The following HDAC9 variants were observed in gnomAD, a reference collection of about 807,000 sequenced individuals.
HDAC9 encodes the protein MEF-2 interacting transcription repressor (MITR) protein.
A neutral mutation model predicts 139.4 loss-of-function variants in HDAC9; 41 were observed. That is an observed-to-expected ratio of 0.29 (90% CI 0.23 to 0.38). The LOEUF (loss-of-function observed/expected upper bound fraction) is 0.38. HDAC9 is among the 10% of genes least tolerant of loss of function. The pLI, the probability that HDAC9 is intolerant of heterozygous loss-of-function variation, is 1.00. For synonymous variants in HDAC9, 517 were observed against 476.2 expected (o/e 1.09, Z -1.12); for missense variants, 1,147 against 1,297.0 (o/e 0.88, Z 1.78).
chr7:18,246,999 G>T (rs302148), intron 2 of HDAC9, among the ~76,000 whole-genome samples: 7 of 151,816 alleles, frequency 4.6e-5, no homozygotes, highest in African/African-American at 9.7e-5. Flanking sequence ...TTGTTCTAAC[G>T]TGAGCAACTG....
At chr7:18,185,089 G>T (rs1474509698) in intron 2 of HDAC9, among the ~76,000 whole-genome samples, 1 of 152,170 alleles carries the variant, frequency 6.6e-6, no homozygotes, top group Non-Finnish European at 1.5e-5. Context: ...AAACTAATTT[G>T]CAATAAAGCC....
chr7:18,687,938 C>T (rs148020209), intron 12 of HDAC9, among the ~76,000 whole-genome samples: 1 of 151,672 alleles, frequency 6.6e-6, no homozygotes, highest in African/African-American at 2.4e-5. Context: ...TAACTTTTTA[C>T]TTTATAGAAT....
At chr7:18,270,515 C>A (rs939857572) in intron 2 of HDAC9, among the ~76,000 whole-genome samples, 4 of 152,062 alleles carry the variant, frequency 2.6e-5, no homozygotes, top group South Asian at 2.1e-4. Context: ...TGGTACATTT[C>A]TTTTGTGGGA....
At chr7:18,780,734 T>C (rs564971340) in intron 16 of HDAC9, among the ~76,000 whole-genome samples, 2 of 152,152 alleles carry the variant, frequency 1.3e-5, no homozygotes, top group Admixed American at 1.3e-4. Context: ...GATTCTTTGG[T>C]TCTCATCCTT....
intron 17 of HDAC9, among the ~76,000 whole-genome samples, chr7:18,804,262 A>G (rs898605525): frequency 8.5e-5 from 13 of 152,190 alleles, no homozygotes; most frequent in Non-Finnish European, 1.6e-4. Context: ...GGTGGGGCAA[A>G]TAAGCAGGTC....
intron 2 of HDAC9, among the ~76,000 whole-genome samples, chr7:18,564,963 A>G (rs769658246): frequency 2.1e-3 from 4 of 1,874 alleles, no homozygotes; most frequent in Non-Finnish European, 3.4e-3. Flanking sequence ...AATGTATTTT[A>G]TTTATTTATT....
chr7:18,184,994 A>G (rs369091716), intron 2 of HDAC9, among the ~76,000 whole-genome samples: 2 of 152,218 alleles, frequency 1.3e-5, no homozygotes, highest in African/African-American at 4.8e-5. Context: ...TGGTCTGCCT[A>G]TGTAATTCTT....
intron 17 of HDAC9, among the ~76,000 whole-genome samples, chr7:18,802,964 C>A (rs1309656510): frequency 6.6e-6 from 1 of 151,788 alleles, no homozygotes; most frequent in Non-Finnish European, 1.5e-5. Flanking sequence ...GAGTTCAATT[C>A]ACTTATATGT....
At chr7:18,120,473 G>A (rs1784301105) in intron 1 of HDAC9, among the ~76,000 whole-genome samples, 1 of 152,158 alleles carries the variant, frequency 6.6e-6, no homozygotes. Flanking sequence ...AGCCAATTGA[G>A]GGATGGTCCC....
At chr7:18,780,967 C>G (rs975663579) in intron 16 of HDAC9, among the ~76,000 whole-genome samples, 1 of 151,906 alleles carries the variant, frequency 6.6e-6, no homozygotes, top group African/African-American at 2.4e-5. Context: ...GCTTAAGCAA[C>G]AGGAATTAAT....
chr7:18,973,226 T>A (rs535518882), intron 24 of HDAC9, among the ~76,000 whole-genome samples: 1 of 152,292 alleles, frequency 6.6e-6, no homozygotes, highest in South Asian at 2.1e-4. Flanking sequence ...TCAATAATGC[T>A]AGTTTGTCTT....
chr7:18,175,715 A>G (rs1263186051), intron 2 of HDAC9, among the ~76,000 whole-genome samples: 5 of 149,118 alleles, frequency 3.4e-5, no homozygotes, highest in East Asian at 4.0e-4. Flanking sequence ...AAAATATTGT[A>G]TTGATTTATA....
chr7:18,961,810 CT>C (rs2129329059), intron 24 of HDAC9, among the ~76,000 whole-genome samples: 1 of 152,272 alleles, frequency 6.6e-6, no homozygotes, highest in African/African-American at 2.4e-5. Context: ...GGTTACACAG[CT>C]AATGAGTGGG....
At chr7:18,988,572 A>G (rs529175137) in intron 25 of HDAC9, among the ~76,000 whole-genome samples, 25 of 152,134 alleles carry the variant, frequency 1.6e-4, no homozygotes, top group South Asian at 1.5e-3. Context: ...GTAGATGTCT[A>G]TCAGGTCCGC....
chr7:18,636,668 C>A (rs939787886), intron 8 of HDAC9, among the ~76,000 whole-genome samples: 1 of 152,006 alleles, frequency 6.6e-6, no homozygotes. Context: ...TATCCTGTTA[C>A]CCCTCTTTAT....
chr7:18,945,112 T>A (rs1158481620), intron 23 of HDAC9, among the ~76,000 whole-genome samples: 1 of 152,192 alleles, frequency 6.6e-6, no homozygotes, highest in Non-Finnish European at 1.5e-5. Flanking sequence ...TTAAATGTGT[T>A]TTCCATAGTG....
chr7:18,540,559 G>A (rs1182034689), intron 2 of HDAC9, among the ~76,000 whole-genome samples: 2 of 152,160 alleles, frequency 1.3e-5, no homozygotes, highest in East Asian at 1.9e-4. Flanking sequence ...AAGTCAGGGT[G>A]TAGACATATC....
At chr7:18,258,454 C>T (rs1007809537) in intron 2 of HDAC9, among the ~76,000 whole-genome samples, 7 of 152,114 alleles carry the variant, frequency 4.6e-5, no homozygotes, top group Admixed American at 1.3e-4. Context: ...ACACTGTACC[C>T]AGTGTGTAGT....
At chr7:18,359,665 G>A (rs1337735316) in intron 1 of HDAC9, among the ~76,000 whole-genome samples, 1 of 152,126 alleles carries the variant, frequency 6.6e-6, no homozygotes, top group Non-Finnish European at 1.5e-5. Flanking sequence ...CTGGAGTGCA[G>A]TGGCACACTC....
Sources: allele counts gnomAD v4.1 joint callset (sites outside exome capture counted in the v4.1 genomes callset), GRCh38; gene constraint gnomAD v4.1.1; transcripts MANE v1.5; gene names NCBI Gene and HGNC (gene_info 2026-07-23, HGNC 2026-07-21).